The following DDX60 variants were observed in gnomAD, a reference collection of about 807,000 sequenced individuals.
The protein encoded by DDX60 is probable ATP-dependent RNA helicase DDX60.
Under a neutral mutation model 212.8 loss-of-function variants are expected in DDX60, and 165 were observed. The observed-to-expected ratio is 0.78, with a 90% CI of 0.68 to 0.88. The LOEUF (loss-of-function observed/expected upper bound fraction) is 0.88. Among genes scored for constraint, DDX60 ranks in the 40% least tolerant of loss-of-function variants. The pLI is 0.00. For missense variants in DDX60, 1,905 were observed against 2,003.9 expected (o/e 0.95, Z 0.94); for synonymous variants, 703 against 685.3 (o/e 1.03, Z -0.40).
intron 12 of DDX60, 102 bp downstream of exon 12, chr4:168,284,718 C>A (rs1335306637): frequency 1.8e-6 from 1 of 556,106 alleles, no homozygotes; most frequent in Middle Eastern, 2.9e-4. Flanking sequence ...TATTTTCATT[C>A]AAAAAAATTT....
chr4:168,240,327 C>T (rs895807715), intron 30 of DDX60, among the ~76,000 whole-genome samples: 3 of 152,090 alleles, frequency 2.0e-5, no homozygotes, highest in Admixed American at 6.6e-5. Context: ...AGAGAGGACA[C>T]AAACAAATGA....
intron 33 of DDX60, among the ~76,000 whole-genome samples, chr4:168,234,399 T>C (rs996345992): frequency 6.6e-6 from 1 of 152,114 alleles, no homozygotes; most frequent in African/African-American, 2.4e-5. Context: ...TTTTAATTTT[T>C]TTTAATCTCT....
At chr4:168,255,134 G>C (rs1185082779) in intron 26 of DDX60, among the ~76,000 whole-genome samples, 1 of 152,170 alleles carries the variant, frequency 6.6e-6, no homozygotes, top group Admixed American at 6.5e-5. Flanking sequence ...AAGCCAGGAA[G>C]TTACTTAAGA....
In DDX60 at chr4:168,250,965, C is replaced by G; in HGVS notation, c.3847G>C (p.Gly1283Arg). 1.9e-6 allele frequency: 3 copies of G among 1,595,940 alleles called. No individual in the cohort carries two copies. The highest frequency in any genetic ancestry group is 1.2e-5 in the South Asian group (1 of 86,818). ...KQLVEILFRK[G>R]YLRVVTATGT... ...GAAAATTCACCTACCCTAAGATATC[C>G]TTTTCTAAAGAGGATTTCAACTAAT... Residue 1283 changes from glycine to arginine, a missense_variant, in exon 28 of 38, where the codon GGA becomes CGA. By Grantham distance (125) the Gly-to-Arg change is moderately radical. Transcript: ENST00000393743.
At chr4:168,279,979 C>T (rs368719383) in intron 14 of DDX60, among the ~76,000 whole-genome samples, 24 of 152,204 alleles carry the variant, frequency 1.6e-4, no homozygotes, top group African/African-American at 5.1e-4. Context: ...AGTGGCTGGG[C>T]GCAATGGCTC....
chr4:168,222,262 A>G lies in DDX60; in HGVS notation c.4825-381T>C, dbSNP rs554099150. Among the ~76,000 whole-genome samples the G allele has an allele frequency of 1.8e-4, 28 of 152,314 alleles. No individual in the cohort carries two copies. The East Asian group carries it at 5.4e-3, about 29-fold the overall frequency. On this transcript the variant is annotated intron_variant, in intron 35 of 37. Transcript: ENST00000393743. ...ATTATACATCACAAGAAAGGAATTC[A>G]ATTGAACAACTCTAACAATCTTGGG... is the stretch of plus-strand genomic sequence containing the variant.
intron 25 of DDX60, among the ~76,000 whole-genome samples, chr4:168,258,235 T>C (rs779774932): frequency 3.3e-5 from 5 of 152,238 alleles, no homozygotes; most frequent in Non-Finnish European, 7.3e-5. Flanking sequence ...GTTTATTTAA[T>C]TCTCACTCCA....
chr4:168,286,425 G>C (rs76182468), intron 10 of DDX60, among the ~76,000 whole-genome samples: 61 of 43,216 alleles, frequency 1.4e-3, no homozygotes, highest in African/African-American at 9.6e-3. Context: ...CACCACACGA[G>C]ATAGATAGAT....
chr4:168,262,451 A>T (rs572924261), intron 23 of DDX60, among the ~76,000 whole-genome samples: 2 of 150,858 alleles, frequency 1.3e-5, no homozygotes, highest in Admixed American at 1.3e-4. Context: ...GCAGAAGTTG[A>T]AAAGATTTCA....
At chr4:168,316,191 G>A (rs779071824) in intron 1 of DDX60, among the ~76,000 whole-genome samples, 2 of 152,126 alleles carry the variant, frequency 1.3e-5, no homozygotes, top group Admixed American at 6.5e-5. Flanking sequence ...ATTTACAAAA[G>A]TCTATTTCAA....
At chr4:168,231,204 G>A (rs925069194) in intron 33 of DDX60, among the ~76,000 whole-genome samples, 19 of 151,678 alleles carry the variant, frequency 1.3e-4, no homozygotes, top group African/African-American at 4.4e-4. Context: ...AGATTGAAAT[G>A]GTATATATTT....
At chr4:168,255,981 C>G in intron 25 of DDX60, 112 bp from the exon 26 acceptor site, 2 of 1,111,848 alleles carry the variant, frequency 1.8e-6, no homozygotes, top group Non-Finnish European at 2.5e-6. Flanking sequence ...TTTTAATACC[C>G]ACCTTTATAA....
chr4:168,317,712 G>C (rs766999126), intron 1 of DDX60, among the ~76,000 whole-genome samples: 19 of 152,126 alleles, frequency 1.2e-4, no homozygotes, highest in Non-Finnish European at 2.6e-4. Flanking sequence ...CATCATAGTA[G>C]ACTCGGGAGA....
At chr4:168,271,349 G>A (rs143299200) in intron 19 of DDX60, among the ~76,000 whole-genome samples, 19 of 152,246 alleles carry the variant, frequency 1.2e-4, no homozygotes, top group African/African-American at 4.6e-4. Flanking sequence ...CACTGCGTTT[G>A]GCCTATGAAG....
chr4:168,224,959 G>GA (rs34886885), intron 34 of DDX60, among the ~76,000 whole-genome samples: 1 of 151,790 alleles, frequency 6.6e-6, no homozygotes, highest in African/African-American at 2.4e-5. Context: ...ATTAGCTCAT[G>GA]AAAAAAAGTG....
chr4:168,301,124 T>C (rs1736630868), intron 6 of DDX60, among the ~76,000 whole-genome samples: 1 of 152,108 alleles, frequency 6.6e-6, no homozygotes, highest in African/African-American at 2.4e-5. Flanking sequence ...TAACTTTCTG[T>C]GTATATAAAA....
chr4:168,221,300 T>C (rs551116044), intron 36 of DDX60, among the ~76,000 whole-genome samples: 6 of 152,266 alleles, frequency 3.9e-5, no homozygotes, highest in Admixed American at 1.3e-4. Flanking sequence ...TTTTTGAAAA[T>C]GTTTTTCCTG....
At chr4:168,275,115 A>T (rs1735275982) in intron 16 of DDX60, among the ~76,000 whole-genome samples, 1 of 152,238 alleles carries the variant, frequency 6.6e-6, no homozygotes, top group Non-Finnish European at 1.5e-5. Context: ...CATCAGAGCT[A>T]AACATATGAC....
Position 168,230,341 on chromosome 4 carries a change from A to G in DDX60, c.4534-4665T>C, listed in dbSNP as rs566423506. Among the ~76,000 whole-genome samples, 3 of 152,274 alleles carry G rather than the reference A, an allele frequency of 2.0e-5. No homozygotes were observed. In the South Asian group the frequency reaches 6.2e-4, roughly 32 times the overall value. On this transcript the variant is annotated intron_variant, in intron 33 of 37. Transcript: ENST00000393743. ...CAGAAAGTCAACAAATAATGGACTT[A>G]GACTACACCCTAGGACAAATGGACT...
Sources: allele counts gnomAD v4.1 joint callset (sites outside exome capture counted in the v4.1 genomes callset), GRCh38; gene constraint gnomAD v4.1.1; transcripts MANE v1.5; gene names NCBI Gene and HGNC (gene_info 2026-07-23, HGNC 2026-07-21).